The following KANSL1 variants were observed in gnomAD, a reference collection of about 807,000 sequenced individuals.
The protein encoded by KANSL1 is MLL1/MLL complex subunit KANSL1.
In KANSL1, 22 loss-of-function variants were observed where a neutral mutation model predicts 103.6. The observed-to-expected ratio is 0.21, with a 90% confidence interval of 0.15 to 0.30. The LOEUF (loss-of-function observed/expected upper bound fraction) is 0.30, where lower values mean the gene tolerates loss of function less well. Ranked by LOEUF, KANSL1 falls within the 10% of genes least tolerant of loss-of-function variation. The probability of loss-of-function intolerance (pLI) is 1.00; values close to 1 mark genes in which losing one functional copy is unlikely to be tolerated. For synonymous variants in KANSL1, 600 were observed against 527.6 expected, an observed-to-expected ratio of 1.14 and a Z score of -1.88; for missense variants, 1,337 against 1,399.8, an observed-to-expected ratio of 0.96 and a Z score of 0.72.
At chr17:46,039,927 G>A (rs2146371430) in intron 7 of KANSL1, 43 bp from the exon 8 acceptor site, 1 of 1,581,456 alleles carries the variant, frequency 6.3e-7, no homozygotes, top group East Asian at 2.2e-5. Context: ...CAAACACCTG[G>A]CCTCTCTAGT....
intron 2 of KANSL1, among the ~76,000 whole-genome samples, chr17:46,150,065 C>CCA (rs376200741): frequency 9.3e-6 from 1 of 107,720 alleles, no homozygotes; most frequent in Non-Finnish European, 1.8e-5. Context: ...CTTTCCTTAC[C>CCA]AAAAAAAAAA....
chr17:46,176,126 T>C (rs1184696139), intron 1 of KANSL1, among the ~76,000 whole-genome samples: 4 of 152,050 alleles, frequency 2.6e-5, no homozygotes, highest in Non-Finnish European at 5.9e-5. Flanking sequence ...ATGTGAAGAG[T>C]AATTGTACCC....
chr17:46,088,500 CAA>C (rs1486804266), intron 3 of KANSL1: 2 of 152,244 alleles, frequency 1.3e-5, no homozygotes, highest in Admixed American at 6.5e-5. Flanking sequence ...CTTCCCTATT[CAA>C]AAGTTTCAAT....
At chr17:46,140,538 A>AC (rs1189950389) in intron 2 of KANSL1, among the ~76,000 whole-genome samples, 9 of 152,210 alleles carry the variant, frequency 5.9e-5, no homozygotes, top group African/African-American at 9.7e-5. Context: ...ACAAAAAAAA[A>AC]ACATAAATTG....
chr17:46,088,165 A>C (rs2079236064), intron 3 of KANSL1, among the ~76,000 whole-genome samples: 1 of 152,246 alleles, frequency 6.6e-6, no homozygotes, highest in African/African-American at 2.4e-5. Flanking sequence ...AGGAACTGGA[A>C]TGGGTCACAG....
chr17:46,077,595 T>C (rs545087931), intron 4 of KANSL1, among the ~76,000 whole-genome samples: 3 of 152,210 alleles, frequency 2.0e-5, no homozygotes, highest in Non-Finnish European at 2.9e-5. Context: ...TCTCACTCTG[T>C]TGCCCAGGCT....
At chr17:46,044,676 G>A (rs1024517311) in intron 7 of KANSL1, 1 of 152,158 alleles carries the variant, frequency 6.6e-6, no homozygotes, top group Non-Finnish European at 1.5e-5. Context: ...ATACTAACAG[G>A]TTATTATACC....
At chr17:46,219,147 C>G (rs1488655645) in intron 1 of KANSL1, among the ~76,000 whole-genome samples, 1 of 151,730 alleles carries the variant, frequency 6.6e-6, no homozygotes, top group Non-Finnish European at 1.5e-5. Context: ...GCCTGTAATC[C>G]CAGCTACTTG....
chr17:46,210,373 T>G (rs1252955147), intron 1 of KANSL1, among the ~76,000 whole-genome samples: 1 of 150,778 alleles, frequency 6.6e-6, no homozygotes, highest in Non-Finnish European at 1.5e-5. Flanking sequence ...CTCGGGAGGC[T>G]GAGGCAGGAG....
chr17:46,088,822 C>G (rs1160018351), intron 3 of KANSL1: 1 of 152,398 alleles, frequency 6.6e-6, no homozygotes, highest in Middle Eastern at 3.1e-3. Context: ...CCAGGAGTTT[C>G]AGGTTACAAA....
intron 2 of KANSL1, among the ~76,000 whole-genome samples, chr17:46,130,565 C>T (rs975282172): frequency 6.6e-6 from 1 of 152,180 alleles, no homozygotes; most frequent in Non-Finnish European, 1.5e-5. Flanking sequence ...AGAACGAAAA[C>T]AAAAACAAGA....
intron 6 of KANSL1, among the ~76,000 whole-genome samples, chr17:46,057,824 T>C (rs1005263652): frequency 1.3e-5 from 2 of 152,196 alleles, no homozygotes; most frequent in African/African-American, 4.8e-5. Flanking sequence ...ATCTGAATAA[T>C]TTCATAACAA....
At chr17:46,131,866 T>C (rs778024996) in intron 2 of KANSL1, among the ~76,000 whole-genome samples, 2 of 152,208 alleles carry the variant, frequency 1.3e-5, no homozygotes, top group East Asian at 3.9e-4. Context: ...CGGCGGCTCA[T>C]GCCTGTAATC....
intron 2 of KANSL1, among the ~76,000 whole-genome samples, chr17:46,095,207 T>C (rs1364370002): frequency 6.6e-6 from 1 of 152,200 alleles, no homozygotes; most frequent in African/African-American, 2.4e-5. Flanking sequence ...CCTGAAAGCA[T>C]GAAGATCTAT....
At chr17:46,096,304 TTTTTTTC>T (rs1219158410) in intron 2 of KANSL1, among the ~76,000 whole-genome samples, 3 of 121,290 alleles carry the variant, frequency 2.5e-5, no homozygotes, top group Admixed American at 2.0e-4. Context: ...ATACCTGGCT[TTTTTTTC>T]TTTTTTTTTT....
intron 2 of KANSL1, among the ~76,000 whole-genome samples, chr17:46,166,766 G>C (rs897366986): frequency 1.3e-5 from 2 of 152,162 alleles, no homozygotes; most frequent in African/African-American, 4.8e-5. Flanking sequence ...ATTTCCAGAT[G>C]TCAATAGGAA....
At chr17:46,208,940 TG>T (rs536763457) in intron 1 of KANSL1, among the ~76,000 whole-genome samples, 56 of 148,650 alleles carry the variant, frequency 3.8e-4, no homozygotes, top group Admixed American at 1.5e-3. Flanking sequence ...GGAGGCCGAG[TG>T]GGGCGGATCA....
Position 46,171,327 on chromosome 17 carries a change from TG to T in KANSL1, c.816del (p.Ile273PhefsTer6). ...TCAGAATCTAAAGCACTGAAAAGAA[TG>T]GAAGACAGGGGAGACTTTTTACCCT... ...KLEGKKSPLS[S>X]ILFSALDSDT... On this transcript the variant is annotated frameshift_variant, in exon 2 of 15. Coordinates refer to ENST00000432791, the MANE Select transcript of KANSL1 (RefSeq NM_015443.4). LOFTEE classifies it high-confidence loss of function. 6.2e-7 allele frequency: 1 copy of T among 1,614,164 alleles called. No homozygotes were observed. The highest frequency in any genetic ancestry group is 8.5e-7 in the Non-Finnish European group (1 of 1,180,038).
intron 2 of KANSL1, among the ~76,000 whole-genome samples, chr17:46,160,532 G>A (rs1256178357): frequency 1.3e-5 from 2 of 152,162 alleles, no homozygotes; most frequent in Non-Finnish European, 1.5e-5. Context: ...GGGCTCAAGA[G>A]ATCTGCCCGC....
Sources: allele counts gnomAD v4.1 joint callset (sites outside exome capture counted in the v4.1 genomes callset), GRCh38; gene constraint gnomAD v4.1.1; transcripts MANE v1.5; gene names NCBI Gene and HGNC (gene_info 2026-07-23, HGNC 2026-07-21).